The following P2RY8 variants were observed in gnomAD, a reference collection of about 807,000 sequenced individuals.
P2RY8 encodes S-geranylgeranyl-glutathione receptor P2RY8.
In P2RY8, 6 loss-of-function variants were observed where a neutral mutation model predicts 10.0. That is an observed-to-expected ratio of 0.60 (90% confidence interval 0.33 to 1.19). The LOEUF (loss-of-function observed/expected upper bound fraction) is 1.19, where lower values mean the gene tolerates loss of function less well. Ranked by LOEUF, P2RY8 falls within the 50% of genes most tolerant of loss-of-function variation. P2RY8 has a pLI of 0.04. For missense variants in P2RY8, 456 were observed against 542.0 expected (o/e 0.84, Z 1.58); for synonymous variants, 276 against 252.5 (o/e 1.09, Z -0.88).
chrX:1,534,207 T>A (rs2092507536), intron 1 of P2RY8, among the ~76,000 whole-genome samples: 1 of 141,206 alleles, frequency 7.1e-6, no homozygotes, highest in Admixed American at 7.5e-5. Context: ...CATATATATT[T>A]ATATACTTAC....
At chrX:1,501,342 A>G (rs1226943938) in intron 1 of P2RY8, among the ~76,000 whole-genome samples, 9 of 151,756 alleles carry the variant, frequency 5.9e-5, no homozygotes, top group Admixed American at 5.9e-4. Flanking sequence ...ATGCGTTTTC[A>G]TTTTCACTTT....
Position 1,524,609 on chromosome X carries a change from C to T in P2RY8, c.-25+12312G>A, listed in dbSNP as rs1469832923. 1.2e-3 allele frequency among the ~76,000 whole-genome samples: 111 copies of T among 94,666 alleles called. 8 individuals are homozygous for T. The highest frequency in any genetic ancestry group is 1.7e-3 in the Non-Finnish European group (71 of 42,158). The allele number at this position is 94,666 out of a possible 152,430, so 62.1% of individuals were successfully genotyped here. A position where few individuals can be genotyped will look rare whatever the true frequency, so the allele number is the denominator to read the frequency against. ...TCCATCCATCCATTCATCCATCTATCCATCCATCCATCCATTCATCCATCC... is the reference window on the plus strand; with the variant it reads ...TCCATCCATCCATTCATCCATCTATTCATCCATCCATCCATTCATCCATCC... On this transcript the variant is annotated intron_variant, in intron 1 of 1. Coordinates refer to ENST00000381297, the MANE Select transcript of P2RY8 (RefSeq NM_178129.5).
At chrX:1,467,972 T>C (rs1245824988) in intron 1 of P2RY8, among the ~76,000 whole-genome samples, 10 of 149,712 alleles carry the variant, frequency 6.7e-5, no homozygotes, top group African/African-American at 2.5e-4. Flanking sequence ...AGTACCTCCG[T>C]GCCCAGCTAA....
chrX:1,533,792 C>T (rs1284461347), intron 1 of P2RY8, among the ~76,000 whole-genome samples: 5 of 116,492 alleles, frequency 4.3e-5, no homozygotes, highest in South Asian at 3.0e-4. Context: ...TTTAAATATA[C>T]TATATATTCA....
chrX:1,470,179 T>C (rs1318080265), intron 1 of P2RY8, among the ~76,000 whole-genome samples: 32 of 149,738 alleles, frequency 2.1e-4, no homozygotes, highest in Admixed American at 1.7e-3. Context: ...GCCAACATGG[T>C]GAAATCCTGT....
chrX:1,509,143 CATCT>C (rs2092268624), intron 1 of P2RY8, among the ~76,000 whole-genome samples: 1 of 142,670 alleles, frequency 7.0e-6, no homozygotes, highest in African/African-American at 2.6e-5. Context: ...ATCTATCTAT[CATCT>C]ATGTATCCAT....
rs1366927048 is a variant in P2RY8 at position 1,498,937 on chromosome X, C to T, written c.-24-32355G>A. ...GCAACTTCCGCCTCCTGAGTTCAAGCGATTCTCCTGCCTCAGCCTCCTGAG... is the reference window on the plus strand; with the variant it reads ...GCAACTTCCGCCTCCTGAGTTCAAGTGATTCTCCTGCCTCAGCCTCCTGAG... On this transcript the variant is annotated intron_variant, in intron 1 of 1. Coordinates refer to ENST00000381297, the MANE Select transcript of P2RY8 (RefSeq NM_178129.5). Among the ~76,000 whole-genome samples the T allele has an allele frequency of 5.9e-4, 90 of 151,528 alleles. 1 individual carries two copies. The highest frequency in any genetic ancestry group is 5.9e-3 in the Admixed American group (90 of 15,176).
chrX:1,508,767 C>A (rs1395972033), intron 1 of P2RY8, among the ~76,000 whole-genome samples: 377 of 141,390 alleles, frequency 2.7e-3, no homozygotes, highest in African/African-American at 9.5e-3. Context: ...TATTATCTAT[C>A]TATCATCTAT....
chrX:1,519,721 A>G (rs1394320885), intron 1 of P2RY8, among the ~76,000 whole-genome samples: 1 of 151,912 alleles, frequency 6.6e-6, no homozygotes, highest in Non-Finnish European at 1.5e-5. Flanking sequence ...TCTGGTTACC[A>G]ATCATCTCCC....
At position 1,496,132 on chromosome X, in the gene P2RY8, G is replaced by A. The variant is rs145157240; in HGVS notation, c.-24-29550C>T. On this transcript the variant is annotated intron_variant, in intron 1 of 1. Transcript: ENST00000381297. ...ACTACCCATCCACTCTGAAGCAGTT[G>A]GGAGAAGGCAGACGTCAGAGATGCT... 6.9e-3 allele frequency among the ~76,000 whole-genome samples: 1,050 copies of A among 152,304 alleles called. 10 individuals are homozygous for A. The highest frequency in any genetic ancestry group is 0.024 in the African/African-American group (990 of 41,564).
chrX:1,465,335 G>A lies in P2RY8; in HGVS notation c.*144C>T. 1.5e-6 allele frequency: 2 copies of A among 1,351,176 alleles called. No individual in the cohort carries two copies. Among genetic ancestry groups the A allele is most frequent in the South Asian group, 1.5e-5 (1 of 68,926 alleles). 83.7% of individuals were successfully genotyped at this position (1,351,176 alleles called of 1,614,324 possible). The stretch of plus-strand genomic sequence containing the variant: ...CTCTGCAGTGCCTGGGAGGAATAAA[G>A]CCTGGAGACCCTTCCCCACCGGGCC... On this transcript the variant is annotated 3_prime_UTR_variant, in exon 2 of 2. Transcript: ENST00000381297.
At chrX:1,496,109 T>C (rs1332934843) in intron 1 of P2RY8, among the ~76,000 whole-genome samples, 1 of 152,136 alleles carries the variant, frequency 6.6e-6, no homozygotes, top group Non-Finnish European at 1.5e-5. Flanking sequence ...CCGAGCTGAC[T>C]ACCCATCCAC....
rs763986846 is a variant in P2RY8 at position 1,486,946 on chromosome X, C to T, written c.-24-20364G>A. Among the ~76,000 whole-genome samples the T allele has an allele frequency of 1.5e-3, 223 of 152,348 alleles. 1 individual carries two copies. The highest frequency in any genetic ancestry group is 2.6e-3 in the Non-Finnish European group (178 of 68,030). ...CACAGCCAGGCTGACCCTTTCTCCC[C>T]GGGACAGGGCAGCCCCAGGGCCGAG... On this transcript the variant is annotated intron_variant, in intron 1 of 1. Transcript: ENST00000381297.
Position 1,462,878 on chromosome X carries a change from G to A in P2RY8, c.*2601C>T, listed in dbSNP as rs1427620357. 4.3e-6 allele frequency: 1 copy of A among 232,000 alleles called. No individual in the cohort carries two copies. Among genetic ancestry groups the A allele is most frequent in the Admixed American group, 5.7e-5 (1 of 17,694 alleles). The allele number at this position is 232,000 out of a possible 1,614,324, so 14.4% of individuals were successfully genotyped here. A position where few individuals can be genotyped will look rare whatever the true frequency, so the allele number is the denominator to read the frequency against. On this transcript the variant is annotated 3_prime_UTR_variant, in exon 2 of 2. Coordinates refer to ENST00000381297, the MANE Select transcript of P2RY8 (RefSeq NM_178129.5). ...TATCTTTTCACTCAAAGCTCAACCAGTGAACAGACTGAGTCAGCTTCCAGG... is the reference window on the plus strand; with the variant it reads ...TATCTTTTCACTCAAAGCTCAACCAATGAACAGACTGAGTCAGCTTCCAGG...
Position 1,465,987 on chromosome X carries a change from G to C in P2RY8, c.572C>G (p.Ala191Gly). 1 of 1,612,310 alleles carries C rather than the reference G, an allele frequency of 6.2e-7. No homozygotes were observed. The highest frequency in any genetic ancestry group is 1.3e-5 in the African/African-American group (1 of 75,012). Residue 191 changes from alanine (A) to glycine (G), a missense_variant, in exon 2 of 2, where the codon GCC becomes GGC. By Grantham distance (60) the Ala-to-Gly change is moderately conservative. Coordinates refer to ENST00000381297, the MANE Select transcript of P2RY8 (RefSeq NM_178129.5). ...GATGAAGATGGTGAAGAGGAACACG[G>C]CCCACATGGCCACGCTGGGGAGCAT... ...WTMLPSVAMW[A>G]VFLFTIFILL...
At chrX:1,479,793 T>A (rs2091914402) in intron 1 of P2RY8, among the ~76,000 whole-genome samples, 1 of 152,104 alleles carries the variant, frequency 6.6e-6, no homozygotes, top group African/African-American at 2.4e-5. Context: ...TTACTAATAC[T>A]GTAAATGAAA....
chrX:1,511,634 T>C (rs1241059613), intron 1 of P2RY8, among the ~76,000 whole-genome samples: 1 of 152,172 alleles, frequency 6.6e-6, no homozygotes, highest in Non-Finnish European at 1.5e-5. Flanking sequence ...GTCCTCCCAC[T>C]TCAACCTCCC....
At chrX:1,507,631 C>A (rs1603457981) in intron 1 of P2RY8, among the ~76,000 whole-genome samples, 1 of 152,262 alleles carries the variant, frequency 6.6e-6, no homozygotes, top group East Asian at 1.9e-4. Context: ...CAGCACCCGG[C>A]GGAGTCCCCA....
chrX:1,529,241 T>C (rs1275796980), intron 1 of P2RY8, among the ~76,000 whole-genome samples: 1 of 152,140 alleles, frequency 6.6e-6, no homozygotes, highest in African/African-American at 2.4e-5. Context: ...ACTTACTTTA[T>C]TATAGTAACA....
Sources: gnomAD v4.1 joint callset for allele counts (sites outside exome capture counted in the v4.1 genomes callset) on GRCh38, gnomAD v4.1.1 for gene constraint, MANE v1.5 for transcripts, NCBI Gene and HGNC (gene_info 2026-07-23, HGNC 2026-07-21) for gene names.